The following HIVEP3 variants were observed in gnomAD, a reference collection of about 807,000 sequenced individuals.
HIVEP3 encodes HIVEP zinc finger 3, also known as transcription factor HIVEP3.
In HIVEP3, 49 loss-of-function variants were observed where a neutral mutation model predicts 152.8. That is an observed-to-expected ratio of 0.32 (90% CI 0.26 to 0.41). The LOEUF is 0.41. HIVEP3 is among the 10% of genes least tolerant of loss of function. The probability of loss-of-function intolerance (pLI) is 1.00; values close to 1 mark genes in which losing one functional copy is unlikely to be tolerated. For synonymous variants in HIVEP3, 1,269 were observed against 1,289.0 expected, an observed-to-expected ratio of 0.98 and a Z score of 0.33; for missense variants, 2,790 against 3,103.3, an observed-to-expected ratio of 0.90 and a Z score of 2.40.
At position 41,513,513 on chromosome 1, in the gene HIVEP3, G is replaced by C. The variant is rs527278441; in HGVS notation, c.5708C>G (p.Pro1903Arg). 10 of 1,603,800 alleles carry C rather than the reference G, an allele frequency of 6.2e-6. No individual in the cohort carries two copies. The South Asian group carries it at 1.1e-4, about 18-fold the overall frequency. Residue 1903 changes from proline to arginine, a missense_variant, in exon 8 of 9, where the codon CCA (proline) becomes CGA (arginine). By Grantham distance (103) the Pro-to-Arg change is moderately radical (BLOSUM62 -2). Coordinates refer to ENST00000372583, the MANE Select transcript of HIVEP3 (RefSeq NM_024503.5). Reference protein sequence around the residue: ...DSSPILGPQPPDAPASGTEAT... With the variant: ...DSSPILGPQPRDAPASGTEAT... ...CTCCGTGCCAGAGGCGGGGGCATCT[G>C]GGGGCTGAGGGCCCAGGATGGGTGA...
chr1:41,799,566 C>T (rs897693019), intron 1 of HIVEP3, among the ~76,000 whole-genome samples: 5 of 152,174 alleles, frequency 3.3e-5, no homozygotes, highest in East Asian at 1.9e-4. Context: ...ATGTGTTTCT[C>T]GCCTGTAAAT....
At chr1:41,872,164 G>A (rs980471968) in intron 1 of HIVEP3, among the ~76,000 whole-genome samples, 13 of 152,226 alleles carry the variant, frequency 8.5e-5, no homozygotes, top group African/African-American at 3.1e-4. Context: ...TGAATGACTC[G>A]CAAATCAGGC....
At chr1:41,598,502 G>C (rs1227850504) in intron 3 of HIVEP3, among the ~76,000 whole-genome samples, 1 of 152,194 alleles carries the variant, frequency 6.6e-6, no homozygotes, top group Admixed American at 6.5e-5. Context: ...AAGAGGTGGC[G>C]ACTGCCTGTG....
intron 5 of HIVEP3, among the ~76,000 whole-genome samples, chr1:41,536,233 G>A (rs1025756942): frequency 2.6e-5 from 4 of 152,132 alleles, no homozygotes; most frequent in African/African-American, 9.7e-5. Flanking sequence ...GAGACCAGAT[G>A]AATAGGCTAT....
At chr1:41,937,592 G>A (rs1645026018) in intron 1 of HIVEP3, among the ~76,000 whole-genome samples, 1 of 152,174 alleles carries the variant, frequency 6.6e-6, no homozygotes. Context: ...AAAAAGGAAT[G>A]TAAAATATCT....
chr1:41,620,198 G>A (rs10789403), intron 3 of HIVEP3, among the ~76,000 whole-genome samples: 93,489 of 152,056 alleles, frequency 0.61, 29,237 homozygotes, highest in African/African-American at 0.74. Context: ...GTCCTGACAG[G>A]TGGCACAGGT....
intron 1 of HIVEP3, among the ~76,000 whole-genome samples, chr1:41,963,045 T>G (rs1168812904): frequency 3.3e-5 from 5 of 152,226 alleles, no homozygotes; most frequent in African/African-American, 1.2e-4. Context: ...GGAGTCTCGC[T>G]CTGTCACCCA....
intron 5 of HIVEP3, among the ~76,000 whole-genome samples, chr1:41,528,357 C>T (rs1192886636): frequency 1.4e-5 from 2 of 141,164 alleles, no homozygotes; most frequent in Non-Finnish European, 1.5e-5. Flanking sequence ...ACACTCCACA[C>T]CCCGCCCTTA....
intron 2 of HIVEP3, among the ~76,000 whole-genome samples, chr1:41,643,617 C>T (rs953870269): frequency 4.6e-5 from 7 of 152,204 alleles, no homozygotes; most frequent in Admixed American, 4.6e-4. Flanking sequence ...CCAAAGGTTG[C>T]CCCAGGGCAC....
chr1:41,670,413 G>A (rs1200109967), intron 2 of HIVEP3, among the ~76,000 whole-genome samples: 1 of 152,152 alleles, frequency 6.6e-6, no homozygotes, highest in African/African-American at 2.4e-5. Context: ...GAGCCCAGGT[G>A]CCTCCATCCC....
intron 1 of HIVEP3, among the ~76,000 whole-genome samples, chr1:41,745,605 T>G (rs974456249): frequency 6.6e-6 from 1 of 152,202 alleles, no homozygotes; most frequent in Non-Finnish European, 1.5e-5. Flanking sequence ...TAATCGTGAC[T>G]TGCTATAGAC....
rs1440395795 is a variant in HIVEP3 at position 41,694,340 on chromosome 1, A to G, written c.-721+6576T>C. Among the ~76,000 whole-genome samples the G allele has an allele frequency of 2.0e-5, 3 of 152,234 alleles. No individual in the cohort carries two copies. The East Asian group carries it at 5.8e-4, about 29-fold the overall frequency. ...CCACCCGACCTTTTTACCCAAAATT[A>G]TAATTACTGCTTAGACAGTGAGCTC... On this transcript the variant is annotated intron_variant, in intron 2 of 8. Coordinates refer to ENST00000372583, the MANE Select transcript of HIVEP3 (RefSeq NM_024503.5).
chr1:41,739,015 T>C (rs886326264), intron 1 of HIVEP3, among the ~76,000 whole-genome samples: 2 of 152,252 alleles, frequency 1.3e-5, no homozygotes, highest in Admixed American at 1.3e-4. Flanking sequence ...CTTGGAATCA[T>C]CTCACAGTCA....
At chr1:41,726,772 G>A (rs1276804327) in intron 1 of HIVEP3, among the ~76,000 whole-genome samples, 2 of 152,192 alleles carry the variant, frequency 1.3e-5, no homozygotes, top group Non-Finnish European at 2.9e-5. Context: ...GCAGGTCTCA[G>A]CTGACTAGAG....
At chr1:41,512,334 ACT>A (rs1642451499) in intron 8 of HIVEP3, among the ~76,000 whole-genome samples, 1 of 151,116 alleles carries the variant, frequency 6.6e-6, no homozygotes, top group Admixed American at 6.6e-5. Context: ...CTTTCCCCCA[ACT>A]CTCTCTCTTG....
chr1:41,814,367 C>A (rs1368386697), intron 1 of HIVEP3, among the ~76,000 whole-genome samples: 1 of 152,200 alleles, frequency 6.6e-6, no homozygotes, highest in Non-Finnish European at 1.5e-5. Flanking sequence ...GCTGTATGAA[C>A]TATATCCATC....
chr1:41,946,016 C>T (rs910068191), intron 1 of HIVEP3, among the ~76,000 whole-genome samples: 8 of 152,028 alleles, frequency 5.3e-5, no homozygotes, highest in African/African-American at 7.3e-5. Context: ...GCAGGCGGAA[C>T]GGGACAAACG....
chr1:41,825,073 C>T (rs1164987040), intron 1 of HIVEP3, among the ~76,000 whole-genome samples: 1 of 151,970 alleles, frequency 6.6e-6, no homozygotes, highest in Non-Finnish European at 1.5e-5. Flanking sequence ...AGCAACAAGG[C>T]TGTTTATTCA....
intron 5 of HIVEP3, among the ~76,000 whole-genome samples, chr1:41,549,942 C>G (rs1569868210): frequency 6.6e-6 from 1 of 152,154 alleles, no homozygotes; most frequent in Non-Finnish European, 1.5e-5. Flanking sequence ...GACATGAAGT[C>G]CTTGCCCATG....
Sources: allele counts gnomAD v4.1 joint callset (sites outside exome capture counted in the v4.1 genomes callset), GRCh38; gene constraint gnomAD v4.1.1; transcripts MANE v1.5; gene names NCBI Gene and HGNC (gene_info 2026-07-23, HGNC 2026-07-21).